The following RPS6KC1 variants were observed in gnomAD, a reference collection of about 807,000 sequenced individuals.
The protein encoded by RPS6KC1 is ribosomal protein S6 kinase C1.
In RPS6KC1, 54 loss-of-function variants were observed where a neutral mutation model predicts 103.8. That is an observed-to-expected ratio of 0.52 (90% confidence interval 0.42 to 0.65). The LOEUF is 0.65. Ranked by LOEUF, RPS6KC1 falls within the 30% of genes least tolerant of loss-of-function variation. The pLI is 0.00. For synonymous variants in RPS6KC1, 439 were observed against 438.7 expected (o/e 1.00, Z -0.01); for missense variants, 1,151 against 1,253.8 (o/e 0.92, Z 1.24).
the RPS6KC1 span, among the ~76,000 whole-genome samples, chr1:213,332,659 G>C: frequency 1.3e-5 from 2 of 152,178 alleles, no homozygotes; most frequent in Non-Finnish European, 2.9e-5. Context: ...GGCTGTGGCA[G>C]AGGCACAGCT....
chr1:213,151,753 G>T (rs1224801660), intron 6 of RPS6KC1, among the ~76,000 whole-genome samples: 5 of 127,926 alleles, frequency 3.9e-5, no homozygotes, highest in East Asian at 2.5e-4. Flanking sequence ...TCTCCCTCCC[G>T]GACGAGGCGG....
chr1:213,590,153 C>T, the RPS6KC1 span, among the ~76,000 whole-genome samples: 2 of 152,044 alleles, frequency 1.3e-5, no homozygotes, highest in Non-Finnish European at 2.9e-5. Flanking sequence ...TGGTGCTTTA[C>T]GTCTAGGGAA....
chr1:213,385,494 G>A, the RPS6KC1 span, among the ~76,000 whole-genome samples: 5 of 152,130 alleles, frequency 3.3e-5, no homozygotes, highest in Non-Finnish European at 7.3e-5. Flanking sequence ...ATACTGTATG[G>A]TAACATTGAC....
At chr1:213,746,915 AGTCTGTGAT>A in the RPS6KC1 span, among the ~76,000 whole-genome samples, 1 of 152,342 alleles carries the variant, frequency 6.6e-6, no homozygotes, top group Admixed American at 6.5e-5. Flanking sequence ...AGGCATGTTA[AGTCTGTGAT>A]GTCTGTGTTA....
chr1:213,311,055 G>C, the RPS6KC1 span, among the ~76,000 whole-genome samples: 2 of 152,160 alleles, frequency 1.3e-5, no homozygotes, highest in Non-Finnish European at 2.9e-5. Context: ...GAGGGTGCTG[G>C]GAGTCTCGCT....
At chr1:213,215,557 A>C (rs1246715762) in intron 8 of RPS6KC1, among the ~76,000 whole-genome samples, 1 of 152,090 alleles carries the variant, frequency 6.6e-6, no homozygotes, top group African/African-American at 2.4e-5. Flanking sequence ...GAGAAGAGCA[A>C]CTCCAAGACA....
chr1:213,324,169 A>T, the RPS6KC1 span, among the ~76,000 whole-genome samples: 3 of 152,246 alleles, frequency 2.0e-5, no homozygotes, highest in African/African-American at 7.2e-5. Flanking sequence ...GAGAACAATT[A>T]TAGAGCTAAA....
the RPS6KC1 span, among the ~76,000 whole-genome samples, chr1:213,378,417 G>A: frequency 2.0e-5 from 3 of 152,168 alleles, no homozygotes; most frequent in Non-Finnish European, 4.4e-5. Context: ...AATACATTTA[G>A]TTATTTGTTT....
chr1:213,133,032 A>G (rs951083179), intron 6 of RPS6KC1, among the ~76,000 whole-genome samples: 1 of 152,164 alleles, frequency 6.6e-6, no homozygotes, highest in Non-Finnish European at 1.5e-5. Context: ...GGCAGAGAAT[A>G]AGTATACCCT....
At chr1:213,435,066 AT>A in the RPS6KC1 span, among the ~76,000 whole-genome samples, 1 of 152,006 alleles carries the variant, frequency 6.6e-6, no homozygotes, top group African/African-American at 2.4e-5. Context: ...TGCTGTCTTT[AT>A]TTTTAGAAAA....
the RPS6KC1 span, among the ~76,000 whole-genome samples, chr1:213,292,497 G>A: frequency 1.1e-4 from 17 of 152,106 alleles, no homozygotes; most frequent in East Asian, 1.9e-4. Flanking sequence ...TCTGGGCCCC[G>A]TTGCTTCAAG....
chr1:213,643,175 G>A, the RPS6KC1 span, among the ~76,000 whole-genome samples: 20 of 150,848 alleles, frequency 1.3e-4, no homozygotes, highest in Non-Finnish European at 7.4e-5. Flanking sequence ...TCTTTCATAC[G>A]AATTTTAAAG....
At position 213,240,908 on chromosome 1, in the gene RPS6KC1, C is replaced by A. The variant is rs1185034112; in HGVS notation, c.1432C>A (p.Pro478Thr). 1.2e-6 allele frequency: 2 copies of A among 1,613,816 alleles called. No homozygotes were observed. Among genetic ancestry groups the A allele is most frequent in the South Asian group, 2.2e-5 (2 of 91,066 alleles). The change falls in exon 11 of 15, where the codon CCA becomes ACA. Residue 478 changes from proline (P) to threonine (T), a missense_variant. By Grantham distance (38) the Pro-to-Thr change is conservative (BLOSUM62 -1). Coordinates refer to ENST00000366960, the MANE Select transcript of RPS6KC1 (RefSeq NM_012424.6). ...KALPLKSSLT[P>T]SSQDDSNQED... ...TCTGCCTTTGAAGAGTAGTCTTACT[C>A]CAAGTTCTCAAGATGACAGCAACCA...
At chr1:213,680,146 A>T in the RPS6KC1 span, among the ~76,000 whole-genome samples, 1 of 152,228 alleles carries the variant, frequency 6.6e-6, no homozygotes, top group African/African-American at 2.4e-5. Context: ...GTCGCTGGAA[A>T]CAGGGGATCA....
At chr1:213,144,710 A>G (rs2087516818) in intron 6 of RPS6KC1, among the ~76,000 whole-genome samples, 1 of 152,070 alleles carries the variant, frequency 6.6e-6, no homozygotes, top group Non-Finnish European at 1.5e-5. Flanking sequence ...ATAACTGTCT[A>G]CAACAGCAGT....
chr1:213,467,185 A>C, the RPS6KC1 span, among the ~76,000 whole-genome samples: 1 of 152,224 alleles, frequency 6.6e-6, no homozygotes, highest in African/African-American at 2.4e-5. Flanking sequence ...GAATTGATTA[A>C]AGAACATATG....
chr1:213,553,987 A>G, the RPS6KC1 span, among the ~76,000 whole-genome samples: 868 of 152,038 alleles, frequency 5.7e-3, 5 homozygotes, highest in African/African-American at 0.02. Flanking sequence ...TTGTCTGATT[A>G]CTTTGTTGAT....
the RPS6KC1 span, among the ~76,000 whole-genome samples, chr1:213,326,015 G>C: frequency 6.6e-6 from 1 of 152,106 alleles, no homozygotes; most frequent in Non-Finnish European, 1.5e-5. Context: ...CTCTTCTTCA[G>C]TGTTACTAGG....
At chr1:213,509,994 T>C in the RPS6KC1 span, among the ~76,000 whole-genome samples, 3 of 152,244 alleles carry the variant, frequency 2.0e-5, no homozygotes, top group Admixed American at 6.5e-5. Context: ...CTGGGCAGAC[T>C]GATTCTCACA....
Sources: gnomAD v4.1 joint callset for allele counts (sites outside exome capture counted in the v4.1 genomes callset) on GRCh38, gnomAD v4.1.1 for gene constraint, MANE v1.5 for transcripts, NCBI Gene and HGNC (gene_info 2026-07-23, HGNC 2026-07-21) for gene names.